Variants in ETV1 observed in about 807,000 individuals in gnomAD.
The protein encoded by ETV1 is ETS translocation variant 1.
In ETV1, 27 loss-of-function variants were observed where a neutral mutation model predicts 62.3. The ratio of observed to expected loss-of-function variants is 0.43; its 90% CI spans 0.32 to 0.60. The LOEUF (loss-of-function observed/expected upper bound fraction) is 0.60, where lower values mean the gene tolerates loss of function less well. Among genes scored for constraint, ETV1 ranks in the 20% least tolerant of loss-of-function variants. The pLI is 0.06. For missense variants in ETV1, 605 were observed against 605.8 expected (o/e 1.00, Z 0.01); for synonymous variants, 222 against 199.6 (o/e 1.11, Z -0.94).
At chr7:13,947,810 G>T (rs1477845303) in intron 6 of ETV1, among the ~76,000 whole-genome samples, 2 of 152,128 alleles carry the variant, frequency 1.3e-5, no homozygotes, top group Non-Finnish European at 2.9e-5. Flanking sequence ...GGTCCTGAGA[G>T]GGTGAAGGAA....
intron 6 of ETV1, among the ~76,000 whole-genome samples, chr7:13,973,715 T>C (rs1229934672): frequency 1.3e-5 from 2 of 152,180 alleles, no homozygotes; most frequent in African/African-American, 4.8e-5. Context: ...AATTATTGTG[T>C]GTCTTATTTA....
chr7:13,906,081 G>A lies in ETV1; in HGVS notation c.1110+349C>T, dbSNP rs199966551. The A allele has an allele frequency of 8.3e-4, 145 of 174,500 alleles. 3 individuals are homozygous for A. The East Asian group carries it at 0.019, about 23-fold the overall frequency. 10.8% of individuals were successfully genotyped at this position (174,500 alleles called of 1,614,324 possible). A position where few individuals can be genotyped will look rare whatever the true frequency, so the allele number is the denominator to read the frequency against. On this transcript the variant is annotated intron_variant, in intron 12 of 13. Transcript: ENST00000430479. Reference sequence around the variant, plus strand: ...CAACCAGTTGACTTTTGCAGACATCGTTCCTCTCTCCTAAGGACCATAAAA... The same window carrying A: ...CAACCAGTTGACTTTTGCAGACATCATTCCTCTCTCCTAAGGACCATAAAA...
chr7:13,926,054 G>C (rs1785391666), intron 9 of ETV1, among the ~76,000 whole-genome samples: 1 of 152,040 alleles, frequency 6.6e-6, no homozygotes, highest in South Asian at 2.1e-4. Context: ...AAACTCAGTA[G>C]TCTCATTTCA....
In ETV1 at chr7:13,988,082, T is replaced by G. The variant is rs1339810174; in HGVS notation, c.133+4A>C. ...TGGGGATTCAGCCCAAAATCAAACC[T>G]CACCTTCTGAATCATGAGCCAGATC... On this transcript the variant is annotated splice_donor_region_variant and intron_variant, in intron 4 of 13. Transcript: ENST00000430479. 6.3e-7 allele frequency: 1 copy of G among 1,598,458 alleles called. No individual in the cohort carries two copies.
chr7:13,946,017 G>A (rs1187176893), intron 6 of ETV1, among the ~76,000 whole-genome samples: 2 of 152,146 alleles, frequency 1.3e-5, no homozygotes, highest in African/African-American at 4.8e-5. Flanking sequence ...TGCTGAGTCT[G>A]GAACAGAGTT....
At chr7:13,958,315 A>G (rs1453031295) in intron 6 of ETV1, among the ~76,000 whole-genome samples, 1 of 152,176 alleles carries the variant, frequency 6.6e-6, no homozygotes, top group Non-Finnish European at 1.5e-5. Context: ...CCTTGAATAC[A>G]TCTGACTTTT....
Position 13,906,570 on chromosome 7 carries a change from G to A in ETV1, c.970C>T (p.Arg324Trp), listed in dbSNP as rs1433178930. Residue 324 changes from arginine (R) to tryptophan (W), a missense_variant, in exon 12 of 14, where the codon CGG becomes TGG. Arg to Trp is a moderately radical substitution (Grantham distance 101). Coordinates refer to ENST00000430479, the MANE Select transcript of ETV1 (RefSeq NM_004956.5). ...CGCCGTTGGTATGTGGGTCCTTCCC[G>A]ATACATTCCTGGCTCTTGTTTGATG... ...GDIKQEPGMY[R>W]EGPTYQRRGS... 1.2e-5 allele frequency: 19 copies of A among 1,610,488 alleles called. No individual in the cohort carries two copies. Among genetic ancestry groups the A allele is most frequent in the African/African-American group, 6.7e-5 (5 of 74,738 alleles).
At chr7:13,982,819 A>G (rs7790949) in intron 5 of ETV1, among the ~76,000 whole-genome samples, 86,934 of 151,688 alleles carry the variant, frequency 0.57, 25,249 homozygotes, top group African/African-American at 0.63. Flanking sequence ...ATGTTCCATT[A>G]AAAAAAAGTA....
At chr7:13,925,986 C>T (rs1562625546) in intron 9 of ETV1, among the ~76,000 whole-genome samples, 1 of 151,956 alleles carries the variant, frequency 6.6e-6, no homozygotes, top group Non-Finnish European at 1.5e-5. Flanking sequence ...CTATATATAG[C>T]CAAGGTATTT....
intron 6 of ETV1, among the ~76,000 whole-genome samples, chr7:13,955,350 T>C (rs1789295542): frequency 6.6e-6 from 1 of 152,178 alleles, no homozygotes; most frequent in Non-Finnish European, 1.5e-5. Flanking sequence ...ATGTATGACA[T>C]ACAAAAGTAA....
intron 13 of ETV1, among the ~76,000 whole-genome samples, chr7:13,898,753 A>G (rs541028493): frequency 1.6e-4 from 25 of 152,322 alleles, no homozygotes; most frequent in Non-Finnish European, 3.4e-4. Context: ...TCAACATCAT[A>G]GTTTTTGCTA....
Position 13,892,816 on chromosome 7 carries a change from G to C in ETV1, c.*3050C>G, listed in dbSNP as rs1029028156. On this transcript the variant is annotated 3_prime_UTR_variant, in exon 14 of 14. Coordinates refer to ENST00000430479, the MANE Select transcript of ETV1 (RefSeq NM_004956.5). ...CAAGGAATGTCAGCAGACTCTAGAAGTGAAAGCTGGAAGAATCTCCCCTGG... is the reference window on the plus strand; with the variant it reads ...CAAGGAATGTCAGCAGACTCTAGAACTGAAAGCTGGAAGAATCTCCCCTGG... 53 of 232,352 alleles carry C rather than the reference G, an allele frequency of 2.3e-4. No homozygotes were observed. Among genetic ancestry groups the C allele is most frequent in the African/African-American group, 1.1e-3 (51 of 45,292 alleles). The allele number at this position is 232,352 out of a possible 1,614,324, so 14.4% of individuals were successfully genotyped here.
At chr7:13,938,542 T>C (rs1339431960) in intron 7 of ETV1, among the ~76,000 whole-genome samples, 1 of 152,044 alleles carries the variant, frequency 6.6e-6, no homozygotes, top group Non-Finnish European at 1.5e-5. Flanking sequence ...CTTTGAAGGG[T>C]TTTTAATGAA....
chr7:13,914,799 A>G (rs1783972946), intron 9 of ETV1, among the ~76,000 whole-genome samples: 2 of 152,192 alleles, frequency 1.3e-5, no homozygotes, highest in African/African-American at 2.4e-5. Flanking sequence ...TGCTGCCTCT[A>G]TAGCAGAATG....
At chr7:13,957,377 A>G (rs1440652924) in intron 6 of ETV1, among the ~76,000 whole-genome samples, 1 of 152,106 alleles carries the variant, frequency 6.6e-6, no homozygotes. Flanking sequence ...TAAGGCACCT[A>G]TTTAAATGTA....
At chr7:13,931,432 A>C (rs1225039890) in intron 9 of ETV1, 70 bp downstream of exon 9, 3 of 1,578,050 alleles carry the variant, frequency 1.9e-6, no homozygotes, top group Non-Finnish European at 2.6e-6. Context: ...GTCTGATACC[A>C]ACACTAACCA....
chr7:13,986,842 CAAT>C, intron 4 of ETV1, 157 bp from the exon 5 acceptor site: 2 of 608,338 alleles, frequency 3.3e-6, no homozygotes, highest in Non-Finnish European at 5.7e-6. Context: ...TTAAATATCT[CAAT>C]AATACTGCCT....
At chr7:13,967,275 G>T (rs1267144114) in intron 6 of ETV1, among the ~76,000 whole-genome samples, 2 of 151,998 alleles carry the variant, frequency 1.3e-5, no homozygotes, top group Non-Finnish European at 2.9e-5. Context: ...GACTATATAG[G>T]CAATAACTAG....
At position 13,891,451 on chromosome 7, in the gene ETV1, C is replaced by T; in HGVS notation, c.*4415G>A. ...AAAAGACCCTACCTTACATATGAAT[C>T]CATAAACAATAGCCACGGTATATAC... On this transcript the variant is annotated 3_prime_UTR_variant, in exon 14 of 14. Coordinates refer to ENST00000430479, the MANE Select transcript of ETV1 (RefSeq NM_004956.5). 8.6e-6 allele frequency: 2 copies of T among 231,710 alleles called. No individual in the cohort carries two copies. The highest frequency in any genetic ancestry group is 1.7e-5 in the Non-Finnish European group (2 of 117,214). 14.4% of individuals were successfully genotyped at this position (231,710 alleles called of 1,614,324 possible). A position where few individuals can be genotyped will look rare whatever the true frequency, so the allele number is the denominator to read the frequency against.
Sources: gnomAD v4.1 joint callset for allele counts (sites outside exome capture counted in the v4.1 genomes callset) on GRCh38, gnomAD v4.1.1 for gene constraint, MANE v1.5 for transcripts, NCBI Gene and HGNC (gene_info 2026-07-23, HGNC 2026-07-21) for gene names.